UPF3B: variants seen among roughly 807,000 people sequenced by gnomAD.
UPF3B encodes the protein regulator of nonsense transcripts 3B.
Under a neutral mutation model 40.3 loss-of-function variants are expected in UPF3B, and 7 were observed. The ratio of observed to expected loss-of-function variants is 0.17; its 90% CI spans 0.10 to 0.33. UPF3B has a LOEUF of 0.33. Ranked by LOEUF, UPF3B falls within the 10% of genes least tolerant of loss-of-function variation. The pLI is 1.00. For synonymous variants in UPF3B, 117 were observed against 117.3 expected, an observed-to-expected ratio of 1.00 and a Z score of 0.01; for missense variants, 229 against 358.9, an observed-to-expected ratio of 0.64 and a Z score of 2.93.
Position 119,838,352 on chromosome X carries a change from T to C in UPF3B, c.1007+15A>G, listed in dbSNP as rs775624736. ...TGTATAAATCAAACATAACAAAGAG[T>C]CCTTGACTACTGACCTCTTTGGTTT... On this transcript the variant is annotated intron_variant, in intron 9 of 10. Transcript: ENST00000276201. 1 of 1,207,801 alleles carries C rather than the reference T, an allele frequency of 8.3e-7. No homozygotes were observed. The highest frequency in any genetic ancestry group is 1.1e-6 in the Non-Finnish European group (1 of 892,804).
Position 119,834,936 on chromosome X carries a change from G to A in UPF3B, c.1394C>T (p.Ala465Val). ...PDDSTKSGDS[A>V]AERKQESGIS... ...ACCACTTTCCTGCTTCCTTTCTGCT[G>A]CTGAATCTCCAGACTTGGTGCTGTC... Residue 465 changes from alanine (A) to valine (V), a missense_variant, in exon 11 of 11, where the codon GCA (alanine) becomes GTA (valine). Physicochemically the swap from Ala to Val is moderately conservative, Grantham distance 64. Transcript: ENST00000276201. 8.3e-7 allele frequency: 1 copy of A among 1,211,934 alleles called. No homozygotes were observed. Among genetic ancestry groups the A allele is most frequent in the African/African-American group, 1.7e-5 (1 of 57,883 alleles).
intron 8 of UPF3B, 45 bp from the exon 9 acceptor site, chrX:119,838,572 T>C: frequency 8.6e-7 from 1 of 1,160,503 alleles, no homozygotes; most frequent in Non-Finnish European, 1.2e-6. Flanking sequence ...GCTGGGACAC[T>C]ATCTTCTATT....
chrX:119,843,297 T>A lies in UPF3B; in HGVS notation c.474A>T (p.Pro158=), dbSNP rs751784464. ...DTKVGTIDDD[P]EYRKFLESYA... ...AACTTTCCAAAAACTTTCTATATTC[T>A]GGATCTAAATAATCATTTGAGGAAA... Residue 158 remains proline, a synonymous_variant, in exon 5 of 11, where the codon CCA becomes CCT. Coordinates refer to ENST00000276201, the MANE Select transcript of UPF3B (RefSeq NM_080632.3). The A allele has an allele frequency of 8.8e-7, 1 of 1,135,393 alleles. No individual in the cohort carries two copies. Among genetic ancestry groups the A allele is most frequent in the Admixed American group, 2.2e-5 (1 of 45,879 alleles). 93.6% of individuals were successfully genotyped at this position (1,135,393 alleles called of 1,213,427 possible).
intron 4 of UPF3B, among the ~76,000 whole-genome samples, chrX:119,844,001 T>C (rs2056196777): frequency 8.9e-6 from 1 of 112,135 alleles, no homozygotes; most frequent in Non-Finnish European, 1.9e-5. Flanking sequence ...CTGGAGCCAG[T>C]GTACCTTAAA....
downstream of UPF3B, among the ~76,000 whole-genome samples, chrX:119,830,479 CCT>C (rs2056024609): frequency 9.0e-6 from 1 of 111,104 alleles, no homozygotes; most frequent in East Asian, 2.8e-4. Flanking sequence ...GTAAAAGCTC[CCT>C]GAGGCCTCCT....
intron 5 of UPF3B, among the ~76,000 whole-genome samples, chrX:119,810,132 A>T (rs1377001726): frequency 8.9e-6 from 1 of 112,335 alleles, no homozygotes; most frequent in Non-Finnish European, 1.9e-5. Context: ...ACAACAGTCA[A>T]CACCATAGAC....
rs768500336 is a variant in UPF3B at position 119,842,814 on chromosome X, A to C, written c.580+377T>G. Among the ~76,000 whole-genome samples the C allele has an allele frequency of 4.9e-4, 55 of 111,700 alleles. 1 individual carries two copies. The highest frequency in any genetic ancestry group is 4.9e-3 in the Admixed American group (51 of 10,406). On this transcript the variant is annotated intron_variant, in intron 5 of 10. Coordinates refer to ENST00000276201, the MANE Select transcript of UPF3B (RefSeq NM_080632.3). ...CCAAGATCCAAGCTAGAATTCCTCAAGTAGTTTTCAATTTTGCAGTAACTA... is the reference window on the plus strand; with the variant it reads ...CCAAGATCCAAGCTAGAATTCCTCACGTAGTTTTCAATTTTGCAGTAACTA...
chrX:119,827,700 T>C (rs188187380), intron 3 of UPF3B, among the ~76,000 whole-genome samples: 3 of 110,880 alleles, frequency 2.7e-5, no homozygotes, highest in Admixed American at 9.6e-5. Flanking sequence ...CAGCCTTTTA[T>C]TTCTACTTTC....
At chrX:119,822,332 C>T (rs2055929245) in intron 4 of UPF3B, among the ~76,000 whole-genome samples, 1 of 112,552 alleles carries the variant, frequency 8.9e-6, no homozygotes, top group South Asian at 3.6e-4. Context: ...AGCGACTCTG[C>T]TCCACCAAAA....
At chrX:119,851,677 C>T in intron 2 of UPF3B, 76 bp from the exon 3 acceptor site, 1 of 972,242 alleles carries the variant, frequency 1.0e-6, no homozygotes. Flanking sequence ...ATATTAAAGA[C>T]AAGCTCAAAA....
chrX:119,828,447 AGATTG>A (rs2056003248), intron 3 of UPF3B, among the ~76,000 whole-genome samples: 3 of 111,429 alleles, frequency 2.7e-5, no homozygotes, highest in African/African-American at 9.8e-5. Context: ...TAAGGTGGGC[AGATTG>A]CTTGATCCCA....
intron 3 of UPF3B, among the ~76,000 whole-genome samples, chrX:119,827,893 G>A (rs1466062333): frequency 9.1e-6 from 1 of 109,359 alleles, no homozygotes; most frequent in Middle Eastern, 4.7e-3. Context: ...CATCATGCTC[G>A]GCTAATTTTA....
At chrX:119,828,774 G>A (rs767727336) in intron 3 of UPF3B, among the ~76,000 whole-genome samples, 84 of 110,697 alleles carry the variant, frequency 7.6e-4, no homozygotes, top group Non-Finnish European at 1.4e-3. Context: ...GGGCTAGAGT[G>A]CAGTGGTGCC....
At chrX:119,851,740 C>T (rs1259547005) in intron 2 of UPF3B, 27 bp downstream of exon 2, 2 of 543,294 alleles carry the variant, frequency 3.7e-6, no homozygotes, top group Non-Finnish European at 4.9e-6. Context: ...TTTTCATTTA[C>T]CCCTTTCCTT....
rs1184688592 is a variant in UPF3B at position 119,846,527 on chromosome X, AAAAG to A, written c.371-1235_371-1232del. On this transcript the variant is annotated intron_variant, in intron 3 of 10. Transcript: ENST00000276201. Reference sequence around the variant, plus strand: ...TGGTAAAAAAAAAAAAAAAAAAAGAAAAAGAAAAAAGAAAAAACAATTATTACAT... The same window carrying A: ...TGGTAAAAAAAAAAAAAAAAAAAGAAAAAAAAGAAAAAACAATTATTACAT... Among the ~76,000 whole-genome samples the A allele has an allele frequency of 3.5e-3, 370 of 106,702 alleles. 1 individual carries two copies. The highest frequency in any genetic ancestry group is 0.012 in the African/African-American group (352 of 29,687). The allele number at this position is 106,702 out of a possible 115,157, so 92.7% of individuals were successfully genotyped here.
In UPF3B at chrX:119,834,764, C is replaced by A; in HGVS notation, c.*114G>T. ...CTTACTCCTCTGCAGTGTACCCCAC[C>A]AGCACAGCGGCTCCCTTTCTCTCTA... On this transcript the variant is annotated 3_prime_UTR_variant, in exon 11 of 11. Coordinates refer to ENST00000276201, the MANE Select transcript of UPF3B (RefSeq NM_080632.3). 4 of 1,203,339 alleles carry A rather than the reference C, an allele frequency of 3.3e-6. No homozygotes were observed. Among genetic ancestry groups the A allele is most frequent in the Non-Finnish European group, 4.5e-6 (4 of 894,141 alleles).
At position 119,852,676 on chromosome X, in the gene UPF3B, G is replaced by A. The variant is rs1019239725; in HGVS notation, c.156+97C>T. The A allele has an allele frequency of 3.5e-6, 4 of 1,142,737 alleles. No individual in the cohort carries two copies. The African/African-American group carries it at 5.3e-5, about 15-fold the overall frequency. The allele number at this position is 1,142,737 out of a possible 1,213,427, so 94.2% of individuals were successfully genotyped here. ...CCATTCAGGCGAAGAGATAGAAGGA[G>A]AACCTGAGAAAGAAAGGGGGCAGCC... On this transcript the variant is annotated intron_variant, in intron 1 of 10. Transcript: ENST00000276201.
At chrX:119,840,124 C>G (rs2056144662) in intron 8 of UPF3B, among the ~76,000 whole-genome samples, 1 of 111,753 alleles carries the variant, frequency 8.9e-6, no homozygotes, top group South Asian at 3.7e-4. Flanking sequence ...GGTACTAGTA[C>G]TTCCCCAGGA....
At chrX:119,835,857 G>T (rs1340173535) in intron 10 of UPF3B, among the ~76,000 whole-genome samples, 1 of 110,936 alleles carries the variant, frequency 9.0e-6, no homozygotes, top group Non-Finnish European at 1.9e-5. Flanking sequence ...CATGCCTGTA[G>T]TCCCAGCTAC....
Sources: allele counts gnomAD v4.1 joint callset (sites outside exome capture counted in the v4.1 genomes callset), GRCh38; gene constraint gnomAD v4.1.1; transcripts MANE v1.5; gene names NCBI Gene and HGNC (gene_info 2026-07-23, HGNC 2026-07-21).